Variants in KIAA1328 observed in about 807,000 individuals in gnomAD.
KIAA1328 encodes the protein protein hinderin.
A neutral mutation model predicts 68.1 loss-of-function variants in KIAA1328; 52 were observed. The observed-to-expected ratio is 0.76, with a 90% CI of 0.61 to 0.96. The LOEUF is 0.96. Among genes scored for constraint, KIAA1328 ranks in the 40% least tolerant of loss-of-function variants. The pLI is 0.00. For missense variants in KIAA1328, 641 were observed against 677.6 expected, an observed-to-expected ratio of 0.95 and a Z score of 0.60; for synonymous variants, 232 against 239.4, an observed-to-expected ratio of 0.97 and a Z score of 0.28.
intron 8 of KIAA1328, among the ~76,000 whole-genome samples, chr18:37,164,519 C>T (rs1030274148): frequency 2.6e-5 from 4 of 151,948 alleles, no homozygotes; most frequent in Non-Finnish European, 5.9e-5. Flanking sequence ...CTGAGGCAGG[C>T]GGATCACCTG....
At chr18:37,031,290 T>C (rs1481068010) in intron 6 of KIAA1328, among the ~76,000 whole-genome samples, 1 of 152,166 alleles carries the variant, frequency 6.6e-6, no homozygotes, top group Non-Finnish European at 1.5e-5. Flanking sequence ...TTTCCAACCA[T>C]GATTGTGGGG....
At chr18:37,016,933 A>G (rs1039120343) in intron 6 of KIAA1328, among the ~76,000 whole-genome samples, 2 of 151,956 alleles carry the variant, frequency 1.3e-5, no homozygotes, top group Non-Finnish European at 2.9e-5. Flanking sequence ...GGTTTCATCA[A>G]TTCTTTGTAT....
intron 6 of KIAA1328, among the ~76,000 whole-genome samples, chr18:36,994,969 T>TATTA (rs1490005188): frequency 1.5e-5 from 2 of 131,302 alleles, no homozygotes; most frequent in East Asian, 4.3e-4. Flanking sequence ...TTTATTTATT[T>TATTA]ATTATACTTT....
At chr18:37,053,479 T>G (rs1319003305) in intron 6 of KIAA1328, among the ~76,000 whole-genome samples, 1 of 152,090 alleles carries the variant, frequency 6.6e-6, no homozygotes, top group Admixed American at 6.6e-5. Flanking sequence ...AATAAAAATA[T>G]ATGAATGGGA....
chr18:37,129,915 T>C (rs1319486680), intron 7 of KIAA1328, among the ~76,000 whole-genome samples: 1 of 152,106 alleles, frequency 6.6e-6, no homozygotes, highest in African/African-American at 2.4e-5. Context: ...AGTGTGGAAT[T>C]AAGAGAGAAT....
chr18:36,934,772 A>G (rs1412791862), intron 5 of KIAA1328, among the ~76,000 whole-genome samples: 3 of 152,128 alleles, frequency 2.0e-5, no homozygotes. Context: ...TTATTTCTTA[A>G]TTTAATAAAT....
At chr18:36,941,751 T>C (rs2151187818) in intron 5 of KIAA1328, among the ~76,000 whole-genome samples, 1 of 152,304 alleles carries the variant, frequency 6.6e-6, no homozygotes, top group South Asian at 2.1e-4. Context: ...TTCACAAATA[T>C]AGAAGAGGCA....
At chr18:37,031,188 G>A (rs1309301499) in intron 6 of KIAA1328, among the ~76,000 whole-genome samples, 3 of 152,108 alleles carry the variant, frequency 2.0e-5, no homozygotes, top group African/African-American at 4.8e-5. Context: ...AATCCTTTGG[G>A]TATATACCTT....
intron 5 of KIAA1328, among the ~76,000 whole-genome samples, chr18:36,886,690 G>C (rs547927814): frequency 6.6e-6 from 1 of 152,304 alleles, no homozygotes; most frequent in African/African-American, 2.4e-5. Flanking sequence ...TAAAGTTAGA[G>C]TGATGGATCT....
At chr18:36,838,672 A>G (rs1228393958) in intron 3 of KIAA1328, among the ~76,000 whole-genome samples, 2 of 151,800 alleles carry the variant, frequency 1.3e-5, no homozygotes, top group African/African-American at 2.4e-5. Flanking sequence ...GTGTTTAAAT[A>G]TGGCTGCTTT....
rs113771619 is a variant in KIAA1328 at position 37,004,647 on chromosome 18, G to T, written c.576+45212G>T. 4.6e-3 allele frequency among the ~76,000 whole-genome samples: 707 copies of T among 152,178 alleles called. 6 individuals are homozygous for T. Among genetic ancestry groups the T allele is most frequent in the African/African-American group, 0.016 (670 of 41,532 alleles). ...GAAAAGAAAACACTTCTATACTGTT[G>T]GTAGGAATGTAAAGTAGTACAACAA... On this transcript the variant is annotated intron_variant, in intron 6 of 9. Transcript: ENST00000280020.
intron 6 of KIAA1328, among the ~76,000 whole-genome samples, chr18:36,977,135 G>T (rs144883911): frequency 9.2e-5 from 14 of 152,278 alleles, no homozygotes; most frequent in African/African-American, 2.9e-4. Flanking sequence ...GGTAATTTGT[G>T]TGTCTCCCCA....
intron 4 of KIAA1328, among the ~76,000 whole-genome samples, chr18:36,851,227 A>G (rs1185401817): frequency 3.9e-5 from 6 of 152,124 alleles, no homozygotes; most frequent in Middle Eastern, 3.4e-3. Context: ...TTTGTTGGGG[A>G]TTTTTGAATC....
intron 6 of KIAA1328, among the ~76,000 whole-genome samples, chr18:37,060,818 G>T (rs2056116575): frequency 6.6e-6 from 1 of 152,146 alleles, no homozygotes; most frequent in African/African-American, 2.4e-5. Context: ...TATTCATACA[G>T]TGAAATACTA....
In KIAA1328 at chr18:37,223,153, A is replaced by G; in HGVS notation, c.*926A>G. The G allele has an allele frequency of 1.0e-6, 1 of 982,788 alleles. No homozygotes were observed. The allele number at this position is 982,788 out of a possible 1,614,324, so 60.9% of individuals were successfully genotyped here. A position where few individuals can be genotyped will look rare whatever the true frequency, so the allele number is the denominator to read the frequency against. ...AGTGATGCAAGCTGCTGCAAAGCTG[A>G]TGGGCTTCCTCTGGCCCTCCCTTTT... On this transcript the variant is annotated 3_prime_UTR_variant, in exon 10 of 10. Coordinates refer to ENST00000280020, the MANE Select transcript of KIAA1328 (RefSeq NM_020776.3).
At chr18:37,093,752 C>T (rs2057328945) in intron 7 of KIAA1328, among the ~76,000 whole-genome samples, 1 of 152,090 alleles carries the variant, frequency 6.6e-6, no homozygotes, top group Non-Finnish European at 1.5e-5. Flanking sequence ...CTGAAAATGT[C>T]CCAAGTCTTA....
chr18:36,841,576 A>G (rs182154539), intron 3 of KIAA1328, among the ~76,000 whole-genome samples: 7 of 151,974 alleles, frequency 4.6e-5, no homozygotes, highest in Non-Finnish European at 7.4e-5. Context: ...TTGTTTTTCC[A>G]TATCGGGGTT....
In KIAA1328 at chr18:36,924,802, TAA is replaced by T. The variant is rs2050053492; in HGVS notation, c.449-34504_449-34503del. 4 of 151,430 alleles carry T rather than the reference TAA, an allele frequency of 2.6e-5. No individual in the cohort carries two copies. In the South Asian group the frequency reaches 8.3e-4, roughly 31 times the overall value. 9.4% of individuals were successfully genotyped at this position (151,430 alleles called of 1,614,324 possible). On this transcript the variant is annotated intron_variant, in intron 5 of 9. Coordinates refer to ENST00000280020, the MANE Select transcript of KIAA1328 (RefSeq NM_020776.3). ...AAATGAGTAACTAGAGAAAAAAAAA[TAA>T]AGAGTGGTTCCCAAAAGAACCCAAA... is the stretch of plus-strand genomic sequence containing the variant.
At chr18:37,086,168 G>A (rs2057098519) in intron 7 of KIAA1328, among the ~76,000 whole-genome samples, 4 of 152,114 alleles carry the variant, frequency 2.6e-5, no homozygotes, top group Admixed American at 2.6e-4. Flanking sequence ...TGTATAACAT[G>A]GTAACTATGG....
Sources: allele counts gnomAD v4.1 joint callset (sites outside exome capture counted in the v4.1 genomes callset), GRCh38; gene constraint gnomAD v4.1.1; transcripts MANE v1.5; gene names NCBI Gene and HGNC (gene_info 2026-07-23, HGNC 2026-07-21).